The following SHPK variants were observed in gnomAD, a reference collection of about 807,000 sequenced individuals.
SHPK encodes sedoheptulokinase.
A neutral mutation model predicts 46.3 loss-of-function variants in SHPK; 51 were observed. That is an observed-to-expected ratio of 1.10 (90% CI 0.88 to 1.39). SHPK has a LOEUF of 1.39. Ranked by LOEUF, SHPK falls within the 40% of genes most tolerant of loss-of-function variation. The pLI is 0.00. For missense variants in SHPK, 668 were observed against 641.3 expected (o/e 1.04, Z -0.45); for synonymous variants, 290 against 273.9 (o/e 1.06, Z -0.58).
intron 5 of SHPK, among the ~76,000 whole-genome samples, chr17:3,618,059 T>C (rs1401690625): frequency 6.6e-6 from 1 of 152,254 alleles, no homozygotes; most frequent in Non-Finnish European, 1.5e-5. Context: ...GCTAGGAGTC[T>C]GGTGCTACCA....
intron 2 of SHPK, among the ~76,000 whole-genome samples, chr17:3,626,068 A>G (rs1482843681): frequency 1.3e-5 from 2 of 151,950 alleles, no homozygotes; most frequent in Non-Finnish European, 2.9e-5. Context: ...AACAAAACAA[A>G]CAAAAAAATG....
At chr17:3,617,988 T>G (rs2075378443) in intron 5 of SHPK, among the ~76,000 whole-genome samples, 1 of 152,236 alleles carries the variant, frequency 6.6e-6, no homozygotes, top group South Asian at 2.1e-4. Context: ...ATCAAAATTG[T>G]TTTGTCTTGC....
At chr17:3,619,442 T>G in intron 5 of SHPK, 1 of 1,466,530 alleles carries the variant, frequency 6.8e-7, no homozygotes. Flanking sequence ...GATTAAAAAT[T>G]TGGACGGAGA....
intron 5 of SHPK, chr17:3,619,336 G>C: frequency 8.1e-7 from 1 of 1,228,594 alleles, no homozygotes. Flanking sequence ...CGTGAGGTGA[G>C]AGTTATCTGG....
Position 3,624,122 on chromosome 17 carries a change from CAG to C in SHPK, c.418_419del (p.Leu140AlafsTer106), listed in dbSNP as rs755222624. 3 of 1,614,038 alleles carry C rather than the reference CAG, an allele frequency of 1.9e-6. No individual in the cohort carries two copies. Among genetic ancestry groups the C allele is most frequent in the Non-Finnish European group, 2.5e-6 (3 of 1,180,008 alleles). On this transcript the variant is annotated frameshift_variant, in exon 3 of 7. Coordinates refer to ENST00000225519, the MANE Select transcript of SHPK (RefSeq NM_013276.4). LOFTEE classifies it high-confidence loss of function. ...CACTGAGATGAGACTTCGGCTGGGG[CAG>C]AGAGGCCAGGAATTCGCTGCTACAT... The part of the protein sequence containing the change: ...GRCSSEFLAS[L>X]PQPKSHLSVA...
chr17:3,612,941 G>A (rs112142781), intron 6 of SHPK, among the ~76,000 whole-genome samples: 5,074 of 152,002 alleles, frequency 0.033, 97 homozygotes, highest in Middle Eastern at 0.085. Context: ...TAGTAGAGAC[G>A]GTGTTTCACC....
At chr17:3,627,934 G>A (rs530327942) in intron 2 of SHPK, among the ~76,000 whole-genome samples, 1 of 151,924 alleles carries the variant, frequency 6.6e-6, no homozygotes, top group Non-Finnish European at 1.5e-5. Flanking sequence ...GCCACTGCTC[G>A]GTGCCAAGCA....
chr17:3,631,538 T>TTTTTTTTTTTTA (rs2075472123), intron 1 of SHPK, among the ~76,000 whole-genome samples: 1 of 142,944 alleles, frequency 7.0e-6, no homozygotes, highest in African/African-American at 2.7e-5. Flanking sequence ...TTTTTTTTTT[T>TTTTTTTTTTTTA]TAGCGATAGA....
rs913098270 is a variant in SHPK at position 3,609,939 on chromosome 17, G to A, written c.*621C>T. ...GCTGAGTACATGCAGCAAGAAGGCC[G>A]GCACACAGCCCCGCATCGTCTTCTG... On this transcript the variant is annotated 3_prime_UTR_variant, in exon 7 of 7. Coordinates refer to ENST00000225519, the MANE Select transcript of SHPK (RefSeq NM_013276.4). 2.6e-5 allele frequency: 4 copies of A among 152,634 alleles called. No homozygotes were observed. Among genetic ancestry groups the A allele is most frequent in the Admixed American group, 6.5e-5 (1 of 15,296 alleles). 9.5% of individuals were successfully genotyped at this position (152,634 alleles called of 1,614,324 possible). A position where few individuals can be genotyped will look rare whatever the true frequency, so the allele number is the denominator to read the frequency against.
chr17:3,629,919 G>A (rs16953336), intron 2 of SHPK, among the ~76,000 whole-genome samples: 7,983 of 152,076 alleles, frequency 0.052, 245 homozygotes, highest in Middle Eastern at 0.11. Context: ...TATGGAAAAT[G>A]CACTCTGCTG....
At chr17:3,621,793 C>T (rs932073966) in intron 4 of SHPK, among the ~76,000 whole-genome samples, 9 of 151,946 alleles carry the variant, frequency 5.9e-5, no homozygotes, top group Non-Finnish European at 7.4e-5. Flanking sequence ...GCTGGGATTA[C>T]AGGCGCACAC....
chr17:3,623,447 T>C lies in SHPK; in HGVS notation c.539A>G (p.Asp180Gly), dbSNP rs2075414575. 6.2e-7 allele frequency: 1 copy of C among 1,614,092 alleles called. No homozygotes were observed. The change falls in exon 4 of 7, where the codon GAC becomes GGC. Residue 180 changes from aspartate to glycine, a missense_variant. Transcript: ENST00000225519. ...KSYDAAGTIH[D>G]YVVAMLCGLP... ...GCCACACAGCATGGCAACCACATAG[T>C]CGTGGATGGTACCGGCTGCGTCGTA...
At chr17:3,630,176 G>A (rs1205735891) in intron 2 of SHPK, 29 bp downstream of exon 2, 1 of 1,613,608 alleles carries the variant, frequency 6.2e-7, no homozygotes, top group Admixed American at 1.7e-5. Context: ...ACTGCTACCA[G>A]CCTGAGAGCA....
chr17:3,616,959 G>A (rs1347420161), intron 5 of SHPK, among the ~76,000 whole-genome samples: 3 of 151,860 alleles, frequency 2.0e-5, no homozygotes, highest in Non-Finnish European at 2.9e-5. Flanking sequence ...GGCTGGTCTC[G>A]AACTCCTGAC....
chr17:3,625,840 G>C (rs978084189), intron 2 of SHPK, among the ~76,000 whole-genome samples: 2 of 152,174 alleles, frequency 1.3e-5, no homozygotes, highest in Non-Finnish European at 2.9e-5. Flanking sequence ...ATCACCTGAG[G>C]TGAGGAGTTC....
chr17:3,614,526 AAAAAGAAAAG>A (rs150410890), intron 6 of SHPK, among the ~76,000 whole-genome samples: 12 of 146,404 alleles, frequency 8.2e-5, no homozygotes, highest in East Asian at 2.0e-4. Context: ...CTCCATCTCA[AAAAAGAAAAG>A]AAAAGAAAAG....
At chr17:3,631,512 CTTTTTTT>C (rs371958939) in intron 1 of SHPK, among the ~76,000 whole-genome samples, 8 of 53,052 alleles carry the variant, frequency 1.5e-4, no homozygotes, top group South Asian at 7.8e-4. Flanking sequence ...TAATTTAATG[CTTTTTTT>C]TTTTTTTTTT....
chr17:3,616,117 GTT>G (rs2075370240), intron 5 of SHPK, among the ~76,000 whole-genome samples: 1 of 152,106 alleles, frequency 6.6e-6, no homozygotes, highest in Admixed American at 6.6e-5. Context: ...CTCCCAAAGT[GTT>G]CGGATTACAG....
Position 3,630,250 on chromosome 17 carries a change from C to G in SHPK, c.265G>C (p.Val89Leu). The change falls in exon 2 of 7, where the codon GTG (valine) becomes CTG (leucine). Residue 89 changes from valine to leucine, a missense_variant. Coordinates refer to ENST00000225519, the MANE Select transcript of SHPK (RefSeq NM_013276.4). ...PQLRSVVGIG[V>L]SGQMHGVVFW... is the part of the protein sequence containing the mutation. The stretch of plus-strand genomic sequence containing the variant: ...ACGACTCCATGCATCTGGCCCGACA[C>G]CCCGATGCCCACGACGCTCCGGAGC... 1 of 1,613,748 alleles carries G rather than the reference C, an allele frequency of 6.2e-7. No individual in the cohort carries two copies. The highest frequency in any genetic ancestry group is 1.3e-5 in the African/African-American group (1 of 75,008).
Sources: gnomAD v4.1 joint callset for allele counts (sites outside exome capture counted in the v4.1 genomes callset) on GRCh38, gnomAD v4.1.1 for gene constraint, MANE v1.5 for transcripts, NCBI Gene and HGNC (gene_info 2026-07-23, HGNC 2026-07-21) for gene names.